DYRK1B: variants seen among roughly 807,000 people sequenced by gnomAD.
The protein encoded by DYRK1B is dual specificity tyrosine phosphorylation regulated kinase 1B.
DYRK1B carries 20 observed loss-of-function variants against 57.1 expected under a neutral mutation model. The observed-to-expected ratio is 0.35, with a 90% confidence interval of 0.25 to 0.51. The LOEUF is 0.51. Among genes scored for constraint, DYRK1B ranks in the 20% least tolerant of loss-of-function variants. The pLI is 0.96. For synonymous variants in DYRK1B, 409 were observed against 384.7 expected, an observed-to-expected ratio of 1.06 and a Z score of -0.74; for missense variants, 732 against 886.3, an observed-to-expected ratio of 0.83 and a Z score of 2.21.
At chr19:39,832,639 T>C (rs1968871005) in intron 1 of DYRK1B, among the ~76,000 whole-genome samples, 1 of 151,824 alleles carries the variant, frequency 6.6e-6, no homozygotes, top group Admixed American at 6.6e-5. Flanking sequence ...TAGAACAGAG[T>C]CCTATCTCTA....
chr19:39,831,512 C>A (rs899726708), intron 2 of DYRK1B, among the ~76,000 whole-genome samples: 4 of 152,190 alleles, frequency 2.6e-5, no homozygotes, highest in African/African-American at 9.6e-5. Flanking sequence ...TTAATCCTCA[C>A]AACAACCCTG....
At position 39,828,171 on chromosome 19, in the gene DYRK1B, G is replaced by A; in HGVS notation, c.807+126C>T. On this transcript the variant is annotated intron_variant, in intron 6 of 10. Coordinates refer to ENST00000323039, the MANE Select transcript of DYRK1B (RefSeq NM_004714.3). This position sits in a 1 kb window ranked among gnomAD's most constrained non-coding sequence, Gnocchi z 4.3. The stretch of plus-strand genomic sequence containing the variant: ...CAGTATATTCACACCCCCACCCCAA[G>A]CATTATCCCTCAGTTCCCACGGCTC... The A allele has an allele frequency of 9.1e-7, 1 of 1,093,910 alleles. No individual in the cohort carries two copies. Among genetic ancestry groups the A allele is most frequent in the Non-Finnish European group, 1.3e-6 (1 of 774,608 alleles). The allele number at this position is 1,093,910 out of a possible 1,614,324, so 67.8% of individuals were successfully genotyped here. A position where few individuals can be genotyped will look rare whatever the true frequency, so the allele number is the denominator to read the frequency against.
rs1968519287 is a variant in DYRK1B, at chr19:39,826,058, C to G, written c.1547G>C (p.Trp516Ser). 1 of 1,519,766 alleles carries G rather than the reference C, an allele frequency of 6.6e-7. No individual in the cohort carries two copies. The highest frequency in any genetic ancestry group is 2.3e-5 in the Admixed American group (1 of 44,422). The allele number at this position is 1,519,766 out of a possible 1,614,324, so 94.1% of individuals were successfully genotyped here. A position where few individuals can be genotyped will look rare whatever the true frequency, so the allele number is the denominator to read the frequency against. Residue 516 changes from tryptophan (W) to serine (S), a missense_variant, in exon 11 of 11, where the codon TGG becomes TCG. Around this residue, in one of 2 missense-constraint regions of DYRK1B, gnomAD observed 222 missense variants for 205.0 expected, o/e 1.08. Coordinates refer to ENST00000323039, the MANE Select transcript of DYRK1B (RefSeq NM_004714.3). This position sits in a 1 kb window ranked among gnomAD's most constrained non-coding sequence, Gnocchi z 6.3. ...CTTGTGGGGCACATCACCCCCTGCC[C>G]AGGGCCGCAGCGGCTGGGAGGGTGG... ...QVPPSQPLRP[W>S]AGGDVPHKTH...
At chr19:39,829,756 GACCAAACCC>G in intron 5 of DYRK1B, 115 bp downstream of exon 5, 1 of 1,142,750 alleles carries the variant, frequency 8.8e-7, no homozygotes, top group Non-Finnish European at 1.2e-6. Flanking sequence ...GAGAAGCACA[GACCAAACCC>G]TGCTCTGAAG....
chr19:39,832,998 C>G, intron 1 of DYRK1B: 1 of 985,272 alleles, frequency 1.0e-6, no homozygotes, highest in Non-Finnish European at 1.2e-6. Flanking sequence ...CTCTTTATAC[C>G]AGGGTCATTC....
At chr19:39,829,311 C>T (rs1466332265) in intron 5 of DYRK1B, among the ~76,000 whole-genome samples, 1 of 151,640 alleles carries the variant, frequency 6.6e-6, no homozygotes, top group Non-Finnish European at 1.5e-5. Flanking sequence ...ACTGTAACCT[C>T]CGCCTCCCAG....
Position 39,833,543 on chromosome 19 carries a change from G to A in DYRK1B, c.-102+480C>T, listed in dbSNP as rs557330251. ...TAGAGCAGGTGGACGGGGGAGGGGC[G>A]ACACGCCCCACCCTGAGTGACCACC... On this transcript the variant is annotated intron_variant, in intron 1 of 10. Coordinates refer to ENST00000323039, the MANE Select transcript of DYRK1B (RefSeq NM_004714.3). 6.1e-4 allele frequency: 104 copies of A among 170,738 alleles called. 2 individuals are homozygous for A. Among genetic ancestry groups the A allele is most frequent in the Non-Finnish European group, 4.6e-4 (39 of 84,988 alleles). 10.6% of individuals were successfully genotyped at this position (170,738 alleles called of 1,614,324 possible).
At chr19:39,833,308 C>A (rs1286371961) in intron 1 of DYRK1B, 1 of 985,328 alleles carries the variant, frequency 1.0e-6, no homozygotes, top group African/African-American at 1.7e-5. Context: ...GGCTGGGGCG[C>A]GGTGGGGCCC....
At chr19:39,830,142 T>C (rs935546458) in intron 4 of DYRK1B, 115 bp from the exon 5 acceptor site, 7 of 1,353,330 alleles carry the variant, frequency 5.2e-6, no homozygotes, top group East Asian at 2.3e-5. Context: ...ACTTCGCAGC[T>C]GAGTGCGCAC....
Position 39,825,614 on chromosome 19 carries a change from T to C in DYRK1B, c.*101A>G, listed in dbSNP as rs1216301997. ...GCAGGCCTCACCCACCCCAGCTGGG[T>C]AGCAGCAATTCCAGTCAAGGAGAGA... is the stretch of plus-strand genomic sequence containing the variant. On this transcript the variant is annotated 3_prime_UTR_variant, in exon 11 of 11. Transcript: ENST00000323039. The C allele has an allele frequency of 1.5e-5, 20 of 1,304,696 alleles. No homozygotes were observed. The highest frequency in any genetic ancestry group is 2.0e-5 in the Non-Finnish European group (19 of 947,274). 80.8% of individuals were successfully genotyped at this position (1,304,696 alleles called of 1,614,324 possible).
Position 39,828,443 on chromosome 19 carries a change from G to A in DYRK1B, c.661C>T (p.Leu221Phe). 6.2e-7 allele frequency: 1 copy of A among 1,613,952 alleles called. No homozygotes were observed. The highest frequency in any genetic ancestry group is 8.5e-7 in the Non-Finnish European group (1 of 1,179,930). The change falls in exon 6 of 11, where the codon CTC (leucine) becomes TTC (phenylalanine). Residue 221 changes from leucine to phenylalanine, a missense_variant. This residue lies in a region of DYRK1B where 510 missense variants were observed against 681.3 expected (regional missense o/e 0.75). Coordinates refer to ENST00000323039, the MANE Select transcript of DYRK1B (RefSeq NM_004714.3). This position sits in a 1 kb window ranked among gnomAD's most constrained non-coding sequence, Gnocchi z 4.3. The stretch of plus-strand genomic sequence containing the variant: ...GCCAGAAAGAGCAGTGCCGTGCAGA[G>A]CTGCTGCGCCAGCTTCCGGGTCAGG... Reference protein sequence around the residue: ...LNLTRKLAQQLCTALLFLATP... With the variant: ...LNLTRKLAQQFCTALLFLATP...
chr19:39,829,057 T>A (rs1278162949), intron 5 of DYRK1B, among the ~76,000 whole-genome samples: 1 of 152,184 alleles, frequency 6.6e-6, no homozygotes, highest in Non-Finnish European at 1.5e-5. Flanking sequence ...ATGTTAAGAG[T>A]AACAGCTCTG....
At chr19:39,832,997 C>T (rs1968894502) in intron 1 of DYRK1B, 2 of 985,266 alleles carry the variant, frequency 2.0e-6, no homozygotes, top group Non-Finnish European at 2.4e-6. Flanking sequence ...CCTCTTTATA[C>T]CAGGGTCATT....
chr19:39,828,402 G>A lies in DYRK1B; in HGVS notation c.702C>T (p.Ser234=). Residue 234 remains serine, a synonymous_variant, in exon 6 of 11, where the codon AGC becomes AGT. Coordinates refer to ENST00000323039, the MANE Select transcript of DYRK1B (RefSeq NM_004714.3). The surrounding 1 kb of genome is among the most constrained non-coding windows in gnomAD (Gnocchi z 4.3). The part of the protein sequence containing the change: ...ALLFLATPEL[S]IIHCDLKPEN... Reference sequence around the variant, plus strand: ...CGGGCTTGAGGTCGCAGTGAATGATGCTGAGCTCAGGCGTGGCCAGAAAGA... The same window carrying A: ...CGGGCTTGAGGTCGCAGTGAATGATACTGAGCTCAGGCGTGGCCAGAAAGA... The A allele has an allele frequency of 6.2e-7, 1 of 1,614,082 alleles. No individual in the cohort carries two copies. Among genetic ancestry groups the A allele is most frequent in the Non-Finnish European group, 8.5e-7 (1 of 1,179,988 alleles).
rs911808922 is a variant in DYRK1B, at chr19:39,831,726, C to T, written c.63+79G>A. The T allele has an allele frequency of 5.2e-5, 79 of 1,525,742 alleles. 2 individuals are homozygous for T. In the South Asian group the frequency reaches 9.2e-4, roughly 18 times the overall value. 94.5% of individuals were successfully genotyped at this position (1,525,742 alleles called of 1,614,324 possible). A position where few individuals can be genotyped will look rare whatever the true frequency, so the allele number is the denominator to read the frequency against. On this transcript the variant is annotated intron_variant, in intron 2 of 10. Transcript: ENST00000323039. The stretch of plus-strand genomic sequence containing the variant: ...CAGAAGAATGTCTTGGGCAACCACA[C>T]TACCTTTTGGTCTGGAGACCTTTCT...
rs1397839435 is a variant in DYRK1B, at chr19:39,831,858, G to A, written c.10C>T (p.Pro4Ser). ...CCAGAGAAGGGACCATGGCCCGGTGGGACGGCCATGGTGGGCTCAGAGGGC... is the reference window on the plus strand; with the variant it reads ...CCAGAGAAGGGACCATGGCCCGGTGAGACGGCCATGGTGGGCTCAGAGGGC... MAV[P>S]PGHGPFSGFP... The change falls in exon 2 of 11, where the codon CCA becomes TCA. Residue 4 changes from proline to serine, a missense_variant. Around this residue, in one of 2 missense-constraint regions of DYRK1B, gnomAD observed 510 missense variants for 681.3 expected, o/e 0.75. Transcript: ENST00000323039. 6.6e-7 allele frequency: 1 copy of A among 1,521,434 alleles called. No homozygotes were observed. Among genetic ancestry groups the A allele is most frequent in the Non-Finnish European group, 8.8e-7 (1 of 1,131,588 alleles). 94.2% of individuals were successfully genotyped at this position (1,521,434 alleles called of 1,614,324 possible).
rs1403487998 is a variant in DYRK1B, at chr19:39,828,509, C to T, written c.595G>A (p.Asp199Asn). 1.2e-6 allele frequency: 2 copies of T among 1,613,486 alleles called. No individual in the cohort carries two copies. ...VFELLSYNLYDLLRNTHFRGV... is the reference protein window; with the variant it reads ...VFELLSYNLYNLLRNTHFRGV... ...CGGAAGTGGGTGTTGCGCAGGAGGT[C>T]GTACAGGTTGTAGGACAGCAGCTCA... Residue 199 changes from aspartate to asparagine, a missense_variant, in exon 6 of 11, where the codon GAC becomes AAC. By Grantham distance (23) the Asp-to-Asn change is conservative. This residue lies in a region of DYRK1B where 510 missense variants were observed against 681.3 expected (regional missense o/e 0.75). Coordinates refer to ENST00000323039, the MANE Select transcript of DYRK1B (RefSeq NM_004714.3). This position sits in a 1 kb window ranked among gnomAD's most constrained non-coding sequence, Gnocchi z 4.3.
chr19:39,829,953 C>G lies in DYRK1B; in HGVS notation c.447G>C (p.Leu149=). The change falls in exon 5 of 11, where the codon CTG becomes CTC. Residue 149 remains leucine, a synonymous_variant. Coordinates refer to ENST00000323039, the MANE Select transcript of DYRK1B (RefSeq NM_004714.3). Reference sequence around the variant, plus strand: ...GCCGCAGCTCAATCTGGGCCTGGTTCAGGAAAGCCTTTTTGTTCTTGATGA... The same window carrying G: ...GCCGCAGCTCAATCTGGGCCTGGTTGAGGAAAGCCTTTTTGTTCTTGATGA... ...IKIIKNKKAF[L]NQAQIELRLL... is the part of the protein sequence containing the mutation. 1 of 1,614,138 alleles carries G rather than the reference C, an allele frequency of 6.2e-7. No individual in the cohort carries two copies.
At chr19:39,829,748 GAAGCA>G in intron 5 of DYRK1B, 127 bp downstream of exon 5, 1 of 1,001,552 alleles carries the variant, frequency 1.0e-6, no homozygotes, top group Non-Finnish European at 1.4e-6. Flanking sequence ...TGATGTCAGA[GAAGCA>G]CAGACCAAAC....
Sources: gnomAD v4.1 joint callset for allele counts (sites outside exome capture counted in the v4.1 genomes callset) on GRCh38, gnomAD v4.1.1 for gene constraint, gnomAD v4.1.1 regional missense constraint, Gnocchi (gnomAD v3.1) non-coding constraint, MANE v1.5 for transcripts, NCBI Gene and HGNC (gene_info 2026-07-23, HGNC 2026-07-21) for gene names.